FAM13A: variants seen among roughly 807,000 people sequenced by gnomAD.
The protein encoded by FAM13A is protein FAM13A.
A neutral mutation model predicts 129.6 loss-of-function variants in FAM13A; 76 were observed. The ratio of observed to expected loss-of-function variants is 0.59; its 90% CI spans 0.49 to 0.71. The LOEUF (loss-of-function observed/expected upper bound fraction) is 0.71. FAM13A is among the 30% of genes least tolerant of loss of function. The probability of loss-of-function intolerance (pLI) is 0.00; values close to 1 mark genes in which losing one functional copy is unlikely to be tolerated. For missense variants in FAM13A, 1,108 were observed against 1,249.3 expected (o/e 0.89, Z 1.70); for synonymous variants, 443 against 449.9 (o/e 0.98, Z 0.20).
At chr4:89,056,848 T>C in intron 1 of FAM13A, 90 bp downstream of exon 1, 1 of 1,278,216 alleles carries the variant, frequency 7.8e-7, no homozygotes, top group East Asian at 2.3e-5. Context: ...AAAAATAAGT[T>C]ACACAAACAT....
chr4:88,874,634 TA>T (rs1742050809), intron 6 of FAM13A, among the ~76,000 whole-genome samples: 1 of 152,070 alleles, frequency 6.6e-6, no homozygotes, highest in African/African-American at 2.4e-5. Flanking sequence ...CTGAATGAAA[TA>T]AAAGAAGACA....
At chr4:89,007,293 G>T (rs1765172105) in intron 3 of FAM13A, among the ~76,000 whole-genome samples, 1 of 152,100 alleles carries the variant, frequency 6.6e-6, no homozygotes, top group Non-Finnish European at 1.5e-5. Context: ...GAGCTAAAAG[G>T]ACAGCTTCCA....
chr4:88,893,180 A>C (rs539893528), intron 6 of FAM13A, among the ~76,000 whole-genome samples: 2 of 152,238 alleles, frequency 1.3e-5, no homozygotes, highest in East Asian at 1.9e-4. Flanking sequence ...GATTATGATG[A>C]GTTTACAAAT....
At chr4:88,962,414 T>G (rs888835066) in intron 4 of FAM13A, among the ~76,000 whole-genome samples, 3 of 152,066 alleles carry the variant, frequency 2.0e-5, no homozygotes, top group African/African-American at 7.2e-5. Context: ...AGTGCAAGGA[T>G]AAGAGAAAAA....
chr4:88,944,047 TG>T, intron 4 of FAM13A, among the ~76,000 whole-genome samples: 1 of 152,350 alleles, frequency 6.6e-6, no homozygotes, highest in Middle Eastern at 3.4e-3. Context: ...TACAGCACTA[TG>T]ATTATTTGCA....
At chr4:88,910,796 C>T (rs1212431315) in intron 5 of FAM13A, among the ~76,000 whole-genome samples, 6 of 151,952 alleles carry the variant, frequency 3.9e-5, no homozygotes, top group East Asian at 1.9e-4. Flanking sequence ...ACTACAGGCA[C>T]GCGTCACCAT....
At position 89,051,380 on chromosome 4, in the gene FAM13A, C is replaced by T. The variant is rs1274503705; in HGVS notation, c.27+5558G>A. 5.3e-5 allele frequency among the ~76,000 whole-genome samples: 8 copies of T among 152,132 alleles called. No homozygotes were observed. The South Asian group carries it at 6.2e-4, about 12-fold the overall frequency. On this transcript the variant is annotated intron_variant, in intron 1 of 23. Transcript: ENST00000264344. ...GAGGGCATCACATTCATGACCTAAT[C>T]GCCTCCCAAAGTCCTCAATTCCAAA...
intron 5 of FAM13A, among the ~76,000 whole-genome samples, chr4:88,925,201 G>A (rs534409403): frequency 2.0e-5 from 3 of 152,134 alleles, no homozygotes; most frequent in South Asian, 2.1e-4. Context: ...CATCCCATTA[G>A]TGGGTATATA....
intron 3 of FAM13A, among the ~76,000 whole-genome samples, chr4:89,004,520 C>A (rs1026155279): frequency 2.6e-5 from 4 of 152,202 alleles, no homozygotes; most frequent in African/African-American, 9.7e-5. Context: ...TTGAAATCTT[C>A]CTCTTAACTC....
chr4:88,903,172 T>C (rs185327677), intron 6 of FAM13A, among the ~76,000 whole-genome samples: 18 of 152,326 alleles, frequency 1.2e-4, no homozygotes, highest in African/African-American at 4.1e-4. Flanking sequence ...AAAATACTCA[T>C]ACTGCTCAAA....
intron 3 of FAM13A, among the ~76,000 whole-genome samples, chr4:89,014,516 G>A (rs1766198642): frequency 6.6e-6 from 1 of 152,184 alleles, no homozygotes; most frequent in African/African-American, 2.4e-5. Flanking sequence ...ATTGTGGGAA[G>A]TCAGGGATCC....
At chr4:88,850,762 T>G (rs1471074912) in intron 7 of FAM13A, among the ~76,000 whole-genome samples, 4 of 152,156 alleles carry the variant, frequency 2.6e-5, no homozygotes, top group Non-Finnish European at 5.9e-5. Context: ...CAATTCAACT[T>G]TAACTGTGAG....
At chr4:88,995,583 C>T (rs1373744039) in intron 3 of FAM13A, among the ~76,000 whole-genome samples, 1 of 152,100 alleles carries the variant, frequency 6.6e-6, no homozygotes, top group South Asian at 2.1e-4. Flanking sequence ...ACTCTTGGAC[C>T]CTTGTATTTT....
intron 6 of FAM13A, among the ~76,000 whole-genome samples, chr4:88,888,603 T>C (rs756791253): frequency 1.3e-5 from 2 of 152,032 alleles, no homozygotes; most frequent in Non-Finnish European, 2.9e-5. Flanking sequence ...CATCCCAGAC[T>C]AAACAAGCCT....
chr4:89,026,332 C>A (rs922418214), intron 2 of FAM13A, among the ~76,000 whole-genome samples: 8 of 152,294 alleles, frequency 5.3e-5, no homozygotes, highest in African/African-American at 1.9e-4. Flanking sequence ...CTGTTTGAAG[C>A]ATTTGAATAA....
chr4:88,878,632 T>A (rs754479756), intron 6 of FAM13A, among the ~76,000 whole-genome samples: 1 of 152,214 alleles, frequency 6.6e-6, no homozygotes, highest in Non-Finnish European at 1.5e-5. Flanking sequence ...ATTCTCAATA[T>A]TGGTTTTCAA....
chr4:88,782,001 TA>T (rs11353645), intron 10 of FAM13A, among the ~76,000 whole-genome samples: 100,099 of 150,424 alleles, frequency 0.67, 34,816 homozygotes, highest in Non-Finnish European at 0.78. Flanking sequence ...GATAATAAAA[TA>T]AAAAAAATTA....
chr4:88,818,030 C>T (rs1018591634), intron 7 of FAM13A, among the ~76,000 whole-genome samples: 8 of 152,206 alleles, frequency 5.3e-5, no homozygotes, highest in Non-Finnish European at 1.2e-4. Context: ...GTCGCACAGA[C>T]TGGAGTGCAG....
intron 7 of FAM13A, among the ~76,000 whole-genome samples, chr4:88,808,194 A>G (rs370321131): frequency 4.7e-4 from 72 of 152,178 alleles, no homozygotes; most frequent in Admixed American, 1.8e-3. Flanking sequence ...ATTTTGAGAC[A>G]ACTAAATCAT....
Sources: gnomAD v4.1 joint callset for allele counts (sites outside exome capture counted in the v4.1 genomes callset) on GRCh38, gnomAD v4.1.1 for gene constraint, MANE v1.5 for transcripts, NCBI Gene and HGNC (gene_info 2026-07-23, HGNC 2026-07-21) for gene names.